The following ZRANB1 variants were observed in gnomAD, a reference collection of about 807,000 sequenced individuals.
The protein encoded by ZRANB1 is ubiquitin thioesterase ZRANB1.
In ZRANB1, 16 loss-of-function variants were observed where a neutral mutation model predicts 80.5. That is an observed-to-expected ratio of 0.20 (90% CI 0.13 to 0.30). The LOEUF (loss-of-function observed/expected upper bound fraction) is 0.30. Among genes scored for constraint, ZRANB1 ranks in the 10% least tolerant of loss-of-function variants. ZRANB1 has a pLI of 1.00. For synonymous variants in ZRANB1, 291 were observed against 293.1 expected (o/e 0.99, Z 0.07); for missense variants, 576 against 862.6 (o/e 0.67, Z 4.16).
At chr10:124,922,323 TATGTATATATATA>T in the ZRANB1 span, among the ~76,000 whole-genome samples, 48 of 22,958 alleles carry the variant, frequency 2.1e-3, no homozygotes, top group African/African-American at 3.3e-3. Context: ...ATGTAAAATA[TATGTATATATATA>T]TTTTTTTTTT....
rs185404470 is a variant in ZRANB1, at chr10:124,965,456, G to A, written c.815-1138G>A. Among the ~76,000 whole-genome samples, 284 of 152,212 alleles carry A rather than the reference G, an allele frequency of 1.9e-3. 7 individuals are homozygous for A. The highest frequency in any genetic ancestry group is 0.018 in the Admixed American group (282 of 15,286). On this transcript the variant is annotated intron_variant, in intron 1 of 8. Transcript: ENST00000359653. ...GGCAAGGCGTTCCTGTATATGATGAGGATTCAGTAAATGTGGGAATTATTT... is the reference window on the plus strand; with the variant it reads ...GGCAAGGCGTTCCTGTATATGATGAAGATTCAGTAAATGTGGGAATTATTT...
intron 6 of ZRANB1, among the ~76,000 whole-genome samples, chr10:124,982,130 G>A (rs772263915): frequency 2.5e-4 from 38 of 152,246 alleles, no homozygotes; most frequent in Non-Finnish European, 3.1e-4. Context: ...GTGCTATGAC[G>A]GTTACATACA....
intron 1 of ZRANB1, among the ~76,000 whole-genome samples, chr10:124,960,849 A>G (rs1392412351): frequency 2.0e-5 from 3 of 152,248 alleles, no homozygotes; most frequent in Non-Finnish European, 4.4e-5. Flanking sequence ...TTTCAAATTC[A>G]GCCAGGGTAA....
chr10:124,971,025 T>G (rs557271492), intron 2 of ZRANB1, among the ~76,000 whole-genome samples: 1 of 152,068 alleles, frequency 6.6e-6, no homozygotes, highest in African/African-American at 2.4e-5. Context: ...GGTTTCATCA[T>G]GTTGGCCAGG....
At chr10:124,930,274 C>T in the ZRANB1 span, among the ~76,000 whole-genome samples, 2 of 151,970 alleles carry the variant, frequency 1.3e-5, no homozygotes, top group Non-Finnish European at 2.9e-5. Context: ...TTCCTTCTGT[C>T]TTTCTTTCTT....
the ZRANB1 span, among the ~76,000 whole-genome samples, chr10:124,923,413 G>A: frequency 1.3e-5 from 2 of 150,962 alleles, no homozygotes; most frequent in East Asian, 3.9e-4. Context: ...CCAACATGGT[G>A]AAACCGTGTC....
chr10:124,951,839 C>T (rs1178756142), intron 1 of ZRANB1, among the ~76,000 whole-genome samples: 1 of 152,008 alleles, frequency 6.6e-6, no homozygotes, highest in African/African-American at 2.4e-5. Flanking sequence ...CATCTGTAAT[C>T]CCAGCTACTT....
chr10:124,970,833 G>GTTTTTTTTTTTTTTTTTTTTTTTTTT (rs34391929), intron 2 of ZRANB1, among the ~76,000 whole-genome samples: 1 of 85,380 alleles, frequency 1.2e-5, no homozygotes, highest in African/African-American at 4.7e-5. Flanking sequence ...TCTCTTTGGG[G>GTTTTTTTTTTTTTTTTTTTTTTTTTT]TTTTTTTTTT....
intron 1 of ZRANB1, among the ~76,000 whole-genome samples, chr10:124,964,366 A>C (rs1435061969): frequency 1.3e-5 from 2 of 152,192 alleles, no homozygotes; most frequent in Non-Finnish European, 2.9e-5. Context: ...AATCTCTCAG[A>C]GACATTAGAG....
At chr10:124,950,664 A>G (rs919770429) in intron 1 of ZRANB1, among the ~76,000 whole-genome samples, 1 of 152,118 alleles carries the variant, frequency 6.6e-6, no homozygotes, top group Non-Finnish European at 1.5e-5. Context: ...AACTCTAGAA[A>G]TATCTAAATA....
At chr10:124,967,208 G>A (rs898002556) in intron 2 of ZRANB1, among the ~76,000 whole-genome samples, 1 of 152,218 alleles carries the variant, frequency 6.6e-6, no homozygotes, top group Admixed American at 6.5e-5. Context: ...AATGCCAAGT[G>A]TTATGCCAGT....
Position 124,972,130 on chromosome 10 carries a change from A to G in ZRANB1, c.1156+12A>G, listed in dbSNP as rs772744147. On this transcript the variant is annotated intron_variant, in intron 3 of 8. Coordinates refer to ENST00000359653, the MANE Select transcript of ZRANB1 (RefSeq NM_017580.3). ...TACATTGCCAGCAGGTAACTCCAAA[A>G]TCTAACGTAAAAAGACTTTTTTATT... 6.2e-7 allele frequency: 1 copy of G among 1,605,016 alleles called. No homozygotes were observed. The highest frequency in any genetic ancestry group is 2.2e-5 in the East Asian group (1 of 44,812).
chr10:124,978,793 ATTTTTTTTTT>A (rs35714295), intron 5 of ZRANB1, among the ~76,000 whole-genome samples: 3 of 115,440 alleles, frequency 2.6e-5, no homozygotes, highest in Non-Finnish European at 5.4e-5. Context: ...TTCCCAGCTA[ATTTTTTTTTT>A]TTTTTTTTTT....
upstream of ZRANB1, among the ~76,000 whole-genome samples, chr10:124,939,912 T>C (rs1435279139): frequency 6.6e-6 from 1 of 152,204 alleles, no homozygotes; most frequent in Non-Finnish European, 1.5e-5. Flanking sequence ...TTGTAAGTAA[T>C]CATTATACAA....
the ZRANB1 span, among the ~76,000 whole-genome samples, chr10:124,936,612 T>G: frequency 6.6e-6 from 1 of 152,232 alleles, no homozygotes; most frequent in East Asian, 1.9e-4. Flanking sequence ...CTAGACCGGT[T>G]GTTTTTCCTG....
intron 2 of ZRANB1, among the ~76,000 whole-genome samples, chr10:124,971,196 T>G (rs1489762535): frequency 6.6e-6 from 1 of 152,132 alleles, no homozygotes; most frequent in African/African-American, 2.4e-5. Context: ...TTTATTTAGC[T>G]CCACAAACTA....
intron 1 of ZRANB1, chr10:124,946,201 C>G (rs756762453): frequency 2.0e-5 from 3 of 152,292 alleles, no homozygotes; most frequent in African/African-American, 7.2e-5. Flanking sequence ...GGCGGGTCAC[C>G]TGAGGTCGGG....
intron 5 of ZRANB1, among the ~76,000 whole-genome samples, chr10:124,975,987 AGAGT>A (rs1195791781): frequency 3.3e-5 from 5 of 152,232 alleles, no homozygotes; most frequent in Non-Finnish European, 5.9e-5. Flanking sequence ...CCTGGGTGAC[AGAGT>A]GAGACTGTCT....
rs188010093 is a variant in ZRANB1, at chr10:124,951,333, T to C, written c.814+8026T>C. Among the ~76,000 whole-genome samples the C allele has an allele frequency of 2.0e-4, 30 of 152,318 alleles. No individual in the cohort carries two copies. The East Asian group carries it at 5.4e-3, about 27-fold the overall frequency. The stretch of plus-strand genomic sequence containing the variant: ...ATCCAAACAAAATTAAATTAACTTC[T>C]GTGAAGGAAAAGTCATTTAGTTTTT... On this transcript the variant is annotated intron_variant, in intron 1 of 8. Transcript: ENST00000359653.
Sources: allele counts gnomAD v4.1 joint callset (sites outside exome capture counted in the v4.1 genomes callset), GRCh38; gene constraint gnomAD v4.1.1; transcripts MANE v1.5; gene names NCBI Gene and HGNC (gene_info 2026-07-23, HGNC 2026-07-21).